The following GSE1 variants were observed in gnomAD, a reference collection of about 807,000 sequenced individuals.
The protein encoded by GSE1 is genetic suppressor element 1.
In GSE1, 32 loss-of-function variants were observed where a neutral mutation model predicts 112.6. That is an observed-to-expected ratio of 0.28 (90% CI 0.21 to 0.38). The LOEUF is 0.38. Among genes scored for constraint, GSE1 ranks in the 10% least tolerant of loss-of-function variants. GSE1 has a pLI of 1.00. For synonymous variants in GSE1, 1,115 were observed against 735.6 expected (o/e 1.52, Z -8.35); for missense variants, 2,348 against 1,699.2 (o/e 1.38, Z -6.71).
exon 1 of GSE1, chr16:85,171,626 G>A (rs893851495): frequency 2.0e-6 from 2 of 985,422 alleles, no homozygotes; most frequent in African/African-American, 1.7e-5. Flanking sequence ...AAGTCCGTGC[G>A]GGTGGCCCGG....
At chr16:85,535,074 A>T (rs945317116) in intron 2 of GSE1, among the ~76,000 whole-genome samples, 11 of 152,148 alleles carry the variant, frequency 7.2e-5, no homozygotes, top group African/African-American at 2.4e-4. Flanking sequence ...CAGGGGACCC[A>T]GGCCTTCTCA....
Position 85,461,824 on chromosome 16 carries a change from C to T in GSE1, c.2464+104181C>T, listed in dbSNP as rs567109609. ...TTCCATCCCCGCGGCTGGGCCCCCT[C>T]CTCACCTCCCCTCCTCCCGGACCTT... is the stretch of plus-strand genomic sequence containing the variant. On this transcript the variant is annotated intron_variant, in intron 2 of 2. Coordinates refer to the GSE1 transcript ENST00000637419. Among the ~76,000 whole-genome samples, 317 of 152,290 alleles carry T rather than the reference C, an allele frequency of 2.1e-3. 3 individuals are homozygous for T. Among genetic ancestry groups the T allele is most frequent in the African/African-American group, 7.2e-3 (299 of 41,542 alleles).
intron 2 of GSE1, among the ~76,000 whole-genome samples, chr16:85,640,574 C>T (rs1452440136): frequency 6.6e-6 from 1 of 152,124 alleles, no homozygotes; most frequent in Non-Finnish European, 1.5e-5. Flanking sequence ...AACCGAGATC[C>T]CACCTGAGTG....
chr16:85,184,607 C>T (rs1391517931), intron 1 of GSE1, among the ~76,000 whole-genome samples: 2 of 152,216 alleles, frequency 1.3e-5, no homozygotes, highest in Non-Finnish European at 1.5e-5. Context: ...ATGCATGTTC[C>T]TCTAAGCACT....
At chr16:85,385,184 G>A (rs930338353) in intron 2 of GSE1, among the ~76,000 whole-genome samples, 3 of 152,240 alleles carry the variant, frequency 2.0e-5, no homozygotes, top group African/African-American at 4.8e-5. Context: ...CAGGGCACCC[G>A]CAGCAGGTGT....
chr16:85,594,640 T>C (rs1412499306), intron 1 of GSE1: 1 of 152,250 alleles, frequency 6.6e-6, no homozygotes, highest in Non-Finnish European at 1.5e-5. Flanking sequence ...CGCTGTGGGA[T>C]GTGAGCAAGT....
At chr16:85,623,533 G>T (rs1443434260) in intron 1 of GSE1, among the ~76,000 whole-genome samples, 1 of 152,200 alleles carries the variant, frequency 6.6e-6, no homozygotes, top group Non-Finnish European at 1.5e-5. Flanking sequence ...TCAGGACCAA[G>T]CCCTTTTTGC....
intron 1 of GSE1, among the ~76,000 whole-genome samples, chr16:85,556,919 C>T (rs2045256062): frequency 6.6e-6 from 1 of 152,020 alleles, no homozygotes; most frequent in South Asian, 2.1e-4. Flanking sequence ...CGGGGAAGCT[C>T]AGGAGGGTAT....
At chr16:85,665,814 G>T (rs1045122542) in intron 12 of GSE1, among the ~76,000 whole-genome samples, 162 bp from the exon 13 acceptor site, 1 of 152,216 alleles carries the variant, frequency 6.6e-6, no homozygotes, top group African/African-American at 2.4e-5. Flanking sequence ...TGTCTTCAGA[G>T]AATAGCCATG....
At chr16:85,354,719 G>T (rs2046916500) in intron 1 of GSE1, among the ~76,000 whole-genome samples, 1 of 152,240 alleles carries the variant, frequency 6.6e-6, no homozygotes, top group African/African-American at 2.4e-5. Context: ...ATGACCGGGT[G>T]CTGCCCCATA....
At chr16:85,665,934 A>G in intron 12 of GSE1, 42 bp from the exon 13 acceptor site, 2 of 1,602,044 alleles carry the variant, frequency 1.2e-6, no homozygotes, top group Non-Finnish European at 1.7e-6. Context: ...CAGCCTGTTA[A>G]CTTGCATTTC....
At chr16:85,613,238 G>A, upstream of GSE1, 1 of 1,515,754 alleles carries the variant, frequency 6.6e-7, no homozygotes, top group Non-Finnish European at 8.8e-7. Flanking sequence ...ACAGCAGCAG[G>A]TGTTTCTTGG....
At chr16:85,294,651 CTCTCTCTG>C (rs1442305042) in intron 1 of GSE1, among the ~76,000 whole-genome samples, 13 of 102,188 alleles carry the variant, frequency 1.3e-4, no homozygotes, top group African/African-American at 2.4e-4. Context: ...CTCTCTCTCT[CTCTCTCTG>C]TCTCTCTCTC....
chr16:85,331,379 ATATG>A (rs1229018163), intron 1 of GSE1, among the ~76,000 whole-genome samples: 147 of 134,698 alleles, frequency 1.1e-3, no homozygotes, highest in Non-Finnish European at 2.0e-3. Flanking sequence ...ATATGTATAT[ATATG>A]TATATATATG....
chr16:85,235,989 CCTGGGCCTGGGGCTGAGG>C (rs746676799), intron 1 of GSE1, among the ~76,000 whole-genome samples: 1 of 151,636 alleles, frequency 6.6e-6, no homozygotes, highest in African/African-American at 2.4e-5. Flanking sequence ...TGGGCCTGGG[CCTGGGCCTGGGGCTGAGG>C]CTGGGCCTGG....
chr16:85,545,001 C>T (rs9935456), intron 2 of GSE1, among the ~76,000 whole-genome samples: 1,567 of 152,372 alleles, frequency 0.01, 35 homozygotes, highest in African/African-American at 0.036. Context: ...TTCTCCTCCC[C>T]TCGGGAGACC....
chr16:85,559,491 A>T (rs759151147), intron 1 of GSE1, among the ~76,000 whole-genome samples: 1 of 152,174 alleles, frequency 6.6e-6, no homozygotes, highest in Admixed American at 6.5e-5. Context: ...CTTGGTTTCT[A>T]TGCCTGATGC....
chr16:85,489,688 C>T (rs1199392877), intron 2 of GSE1: 1 of 152,248 alleles, frequency 6.6e-6, no homozygotes, highest in Non-Finnish European at 1.5e-5. Context: ...GACTCAGACC[C>T]CGTCTGAACT....
At chr16:85,639,237 C>G (rs961554270) in intron 2 of GSE1, among the ~76,000 whole-genome samples, 13 of 152,218 alleles carry the variant, frequency 8.5e-5, no homozygotes, top group African/African-American at 3.1e-4. Flanking sequence ...TGGGCCAGCT[C>G]CCGCTGTAGC....
Sources: gnomAD v4.1 joint callset for allele counts (sites outside exome capture counted in the v4.1 genomes callset) on GRCh38, gnomAD v4.1.1 for gene constraint, MANE v1.5 for transcripts, NCBI Gene and HGNC (gene_info 2026-07-23, HGNC 2026-07-21) for gene names.